The following RABGAP1L variants were observed in gnomAD, a reference collection of about 807,000 sequenced individuals.
The protein encoded by RABGAP1L is rab GTPase-activating protein 1-like.
A neutral mutation model predicts 137.7 loss-of-function variants in RABGAP1L; 63 were observed. The ratio of observed to expected loss-of-function variants is 0.46; its 90% CI spans 0.37 to 0.56. The LOEUF is 0.56. Ranked by LOEUF, RABGAP1L falls within the 20% of genes least tolerant of loss-of-function variation. RABGAP1L has a pLI of 0.00. For missense variants in RABGAP1L, 1,095 were observed against 1,244.0 expected (o/e 0.88, Z 1.80); for synonymous variants, 431 against 433.7 (o/e 0.99, Z 0.08).
At chr1:174,590,258 G>T (rs1205647470) in intron 13 of RABGAP1L, among the ~76,000 whole-genome samples, 8 of 141,418 alleles carry the variant, frequency 5.7e-5, no homozygotes, top group African/African-American at 2.1e-4. Context: ...AACAACTTTT[G>T]GTTAAATAAA....
chr1:174,522,556 G>C (rs1663509990), intron 13 of RABGAP1L, among the ~76,000 whole-genome samples: 2 of 151,772 alleles, frequency 1.3e-5, no homozygotes, highest in Non-Finnish European at 1.5e-5. Context: ...GAGGTGAGGG[G>C]AGGGAGACGA....
chr1:174,767,057 C>T (rs1005475757), intron 18 of RABGAP1L, among the ~76,000 whole-genome samples: 21 of 152,186 alleles, frequency 1.4e-4, no homozygotes, highest in South Asian at 4.1e-4. Flanking sequence ...ACCTGTGACC[C>T]GGAAGCTCCC....
chr1:174,812,856 A>G (rs1234196567), intron 19 of RABGAP1L, among the ~76,000 whole-genome samples: 1 of 152,148 alleles, frequency 6.6e-6, no homozygotes, highest in Non-Finnish European at 1.5e-5. Context: ...GAGATTAGTC[A>G]TGGAGATGTC....
intron 19 of RABGAP1L, among the ~76,000 whole-genome samples, chr1:174,870,574 C>T (rs1356570046): frequency 1.3e-5 from 2 of 152,110 alleles, no homozygotes; most frequent in Non-Finnish European, 2.9e-5. Context: ...CTATTTCTAG[C>T]TGTAGGTATC....
chr1:174,504,257 G>A (rs1266581363), intron 13 of RABGAP1L, among the ~76,000 whole-genome samples: 5 of 151,906 alleles, frequency 3.3e-5, no homozygotes, highest in African/African-American at 1.2e-4. Flanking sequence ...ACAGGCATGA[G>A]CCAGCACGCC....
chr1:174,715,647 G>T (rs146560639), intron 17 of RABGAP1L, among the ~76,000 whole-genome samples: 31 of 152,360 alleles, frequency 2.0e-4, no homozygotes, highest in Admixed American at 1.8e-3. Context: ...CACATGGGCA[G>T]ACGCTGTGAT....
At chr1:174,340,665 G>A (rs1681894296) in intron 11 of RABGAP1L, among the ~76,000 whole-genome samples, 2 of 152,046 alleles carry the variant, frequency 1.3e-5, no homozygotes, top group African/African-American at 4.8e-5. Flanking sequence ...TATTTATTTA[G>A]TCTATCTTGA....
chr1:174,552,333 A>G (rs1666601528), intron 13 of RABGAP1L, among the ~76,000 whole-genome samples: 1 of 151,650 alleles, frequency 6.6e-6, no homozygotes, highest in Non-Finnish European at 1.5e-5. Flanking sequence ...CTCCGCCTCC[A>G]CCCTCCAAAA....
At chr1:174,595,949 C>T (rs1453836616) in intron 13 of RABGAP1L, among the ~76,000 whole-genome samples, 2 of 104,108 alleles carry the variant, frequency 1.9e-5, no homozygotes, top group African/African-American at 1.2e-4. Flanking sequence ...CGCCCCTCCC[C>T]CAGCCTCGTT....
At chr1:174,837,923 A>T (rs1479324267) in intron 19 of RABGAP1L, among the ~76,000 whole-genome samples, 1 of 152,238 alleles carries the variant, frequency 6.6e-6, no homozygotes, top group Non-Finnish European at 1.5e-5. Context: ...TGTAATTATA[A>T]GTAAGCCCTA....
chr1:174,536,343 C>T (rs767079349), intron 13 of RABGAP1L, among the ~76,000 whole-genome samples: 6 of 150,288 alleles, frequency 4.0e-5, no homozygotes, highest in Non-Finnish European at 8.9e-5. Context: ...TGTTTGTTTG[C>T]GTGTGTGAAA....
chr1:174,716,849 C>T (rs1418079021), intron 17 of RABGAP1L, among the ~76,000 whole-genome samples: 1 of 152,110 alleles, frequency 6.6e-6, no homozygotes, highest in African/African-American at 2.4e-5. Flanking sequence ...TGGACCACAT[C>T]ATGTCTGGTA....
intron 13 of RABGAP1L, among the ~76,000 whole-genome samples, chr1:174,433,175 T>G (rs1652843418): frequency 6.6e-6 from 1 of 152,198 alleles, no homozygotes; most frequent in African/African-American, 2.4e-5. Flanking sequence ...TCATAGTTAA[T>G]GAGTGGTGCA....
chr1:174,613,783 G>C (rs1353979457), intron 13 of RABGAP1L, among the ~76,000 whole-genome samples: 1 of 152,220 alleles, frequency 6.6e-6, no homozygotes, highest in African/African-American at 2.4e-5. Flanking sequence ...AGCTCTTCCT[G>C]TTGAATTGAT....
intron 18 of RABGAP1L, among the ~76,000 whole-genome samples, chr1:174,796,541 G>A (rs965921569): frequency 6.6e-6 from 1 of 152,040 alleles, no homozygotes; most frequent in Non-Finnish European, 1.5e-5. Context: ...AAAGGACCAG[G>A]GCAGAAATGA....
At chr1:174,851,693 T>G (rs957767562) in intron 19 of RABGAP1L, among the ~76,000 whole-genome samples, 5 of 151,668 alleles carry the variant, frequency 3.3e-5, no homozygotes, top group Non-Finnish European at 7.4e-5. Flanking sequence ...TTTTTTTAAT[T>G]TTTTTTGATA....
intron 1 of RABGAP1L, among the ~76,000 whole-genome samples, chr1:174,216,347 T>A (rs1048114806): frequency 6.6e-6 from 1 of 152,164 alleles, no homozygotes; most frequent in Non-Finnish European, 1.5e-5. Flanking sequence ...TGATGGATAC[T>A]CCATTTGCCC....
intron 13 of RABGAP1L, among the ~76,000 whole-genome samples, chr1:174,622,886 A>G (rs1672641307): frequency 6.6e-6 from 1 of 152,208 alleles, no homozygotes; most frequent in South Asian, 2.1e-4. Flanking sequence ...GTAGGTATGT[A>G]GTTATTATTC....
intron 11 of RABGAP1L, among the ~76,000 whole-genome samples, chr1:174,370,512 CTTTTTTTT>C (rs372406044): frequency 4.0e-5 from 2 of 50,362 alleles, no homozygotes; most frequent in Non-Finnish European, 7.0e-5. Context: ...AGAAACCTAA[CTTTTTTTT>C]TTTTTTTTTA....
Sources: gnomAD v4.1 joint callset for allele counts (sites outside exome capture counted in the v4.1 genomes callset) on GRCh38, gnomAD v4.1.1 for gene constraint, MANE v1.5 for transcripts, NCBI Gene and HGNC (gene_info 2026-07-23, HGNC 2026-07-21) for gene names.